Variants in PDE4A observed in about 807,000 individuals in gnomAD.
PDE4A encodes phosphodiesterase 4A, also known as 3',5'-cyclic-AMP phosphodiesterase 4A.
A neutral mutation model predicts 73.9 loss-of-function variants in PDE4A; 21 were observed. The ratio of observed to expected loss-of-function variants is 0.28; its 90% confidence interval spans 0.20 to 0.41. The LOEUF is 0.41. Ranked by LOEUF, PDE4A falls within the 10% of genes least tolerant of loss-of-function variation. The pLI is 1.00. For synonymous variants in PDE4A, 463 were observed against 505.4 expected (o/e 0.92, Z 1.13); for missense variants, 958 against 1,211.4 (o/e 0.79, Z 3.10).
At chr19:10,420,510 C>CCGCGGAACGCGGAG (rs1213524515), upstream of PDE4A, 2 of 1,040,336 alleles carry the variant, frequency 1.9e-6, no homozygotes, top group African/African-American at 1.7e-5. This position sits in a 1 kb window ranked among gnomAD's most constrained non-coding sequence, Gnocchi z 6.0. Context: ...GCCGAGCGGG[C>CCGCGGAACGCGGAG]CGCGGAACGC....
At chr19:10,455,120 G>C (rs771519564) in intron 7 of PDE4A, among the ~76,000 whole-genome samples, 198 bp downstream of exon 7, 1 of 152,142 alleles carries the variant, frequency 6.6e-6, no homozygotes, top group African/African-American at 2.4e-5. Context: ...CTTCTATAGA[G>C]CCCAACATCT....
chr19:10,467,396 T>G lies in PDE4A; in HGVS notation c.2436T>G (p.Ser812=). 2 of 1,614,144 alleles carry G rather than the reference T, an allele frequency of 1.2e-6. No individual in the cohort carries two copies. The highest frequency in any genetic ancestry group is 1.7e-6 in the Non-Finnish European group (2 of 1,179,998). The part of the protein sequence containing the change: ...FVVAVSHSSP[S]ALALQSPLLP... The stretch of plus-strand genomic sequence containing the variant: ...TTGCTGTAAGCCACAGCAGCCCCTC[T>G]GCCCTGGCTCTTCAAAGCCCCCTTC... Residue 812 remains serine, a synonymous_variant, in exon 15 of 15, where the codon TCT becomes TCG. Coordinates refer to ENST00000380702, the MANE Select transcript of PDE4A (RefSeq NM_001111307.2).
intron 1 of PDE4A, among the ~76,000 whole-genome samples, chr19:10,445,532 C>G (rs2042991355): frequency 6.6e-6 from 1 of 152,170 alleles, no homozygotes; most frequent in East Asian, 1.9e-4. Context: ...CTTTGGGAGG[C>G]CAAAGAGGGA....
chr19:10,457,270 C>G (rs2043184706), intron 7 of PDE4A, among the ~76,000 whole-genome samples: 2 of 152,138 alleles, frequency 1.3e-5, no homozygotes, highest in Admixed American at 6.5e-5. Context: ...GAGGATCCAC[C>G]CAATGGGAGC....
Position 10,453,272 on chromosome 19 carries a change from G to T in PDE4A, c.784-1557G>T, listed in dbSNP as rs1335414046. 1 of 1,613,250 alleles carries T rather than the reference G, an allele frequency of 6.2e-7. No homozygotes were observed. The highest frequency in any genetic ancestry group is 1.1e-5 in the South Asian group (1 of 90,952). ...CGGGCTAAGTCTCCAAGATGCCCTTGGTGGATTTCTTCTGCGAGACCTGCT... is the reference window on the plus strand; with the variant it reads ...CGGGCTAAGTCTCCAAGATGCCCTTTGTGGATTTCTTCTGCGAGACCTGCT... On this transcript the variant is annotated intron_variant, in intron 6 of 14. Transcript: ENST00000380702. This position sits in a 1 kb window ranked among gnomAD's most constrained non-coding sequence, Gnocchi z 4.6.
intron 1 of PDE4A, among the ~76,000 whole-genome samples, chr19:10,434,867 A>T (rs1422695188): frequency 6.7e-6 from 1 of 148,182 alleles, no homozygotes; most frequent in African/African-American, 2.5e-5. Context: ...CTGGGATTAC[A>T]GGCATGAGCC....
chr19:10,434,136 C>T (rs2042832274), intron 1 of PDE4A, among the ~76,000 whole-genome samples: 1 of 151,480 alleles, frequency 6.6e-6, no homozygotes, highest in Non-Finnish European at 1.5e-5. Context: ...CCTTTATGTG[C>T]CTCAGTTTCT....
intron 1 of PDE4A, chr19:10,431,125 CT>C: frequency 7.3e-7 from 1 of 1,372,256 alleles, no homozygotes; most frequent in East Asian, 2.8e-5. Context: ...CAAGTCGCCC[CT>C]GGCCACCTGG....
chr19:10,420,412 C>G (rs1321639098), upstream of PDE4A: 5 of 959,198 alleles, frequency 5.2e-6, no homozygotes, highest in Non-Finnish European at 6.2e-6. The surrounding 1 kb of genome is among the most constrained non-coding windows in gnomAD (Gnocchi z 6.0). Context: ...CCCGCTGGCC[C>G]GGACGGAGGA....
chr19:10,450,009 A>T (rs1262524804), intron 4 of PDE4A, among the ~76,000 whole-genome samples: 1 of 151,998 alleles, frequency 6.6e-6, no homozygotes, highest in Non-Finnish European at 1.5e-5. Flanking sequence ...GCAGGAGGAT[A>T]GTTTTGAGCC....
At position 10,454,169 on chromosome 19, in the gene PDE4A, G is replaced by A. The variant is rs570607576; in HGVS notation, c.784-660G>A. On this transcript the variant is annotated intron_variant, in intron 6 of 14. Transcript: ENST00000380702. ...TCCACCCTTCTGGGGTTGGGGGAGA[G>A]TGGGCTATGATGAGAACCCCCCTCC... Among the ~76,000 whole-genome samples, 35 of 152,268 alleles carry A rather than the reference G, an allele frequency of 2.3e-4. 1 individual carries two copies. The highest frequency in any genetic ancestry group is 7.5e-4 in the African/African-American group (31 of 41,564).
intron 1 of PDE4A, among the ~76,000 whole-genome samples, chr19:10,440,307 G>A (rs762574263): frequency 4.6e-5 from 7 of 151,812 alleles, no homozygotes; most frequent in African/African-American, 7.3e-5. Flanking sequence ...TTTGATTTGC[G>A]TTTCCCTGAT....
rs764036422 is a variant in PDE4A, at chr19:10,446,303, G to C, written c.406G>C (p.Gly136Arg). ...GAGCCCAGGACTCGTGCTGCACGCC[G>C]GGGCGGCCACCAGCCAGCGCCGGGA... is the stretch of plus-strand genomic sequence containing the variant. ...QASPGLVLHAGAATSQRRESF... is the reference protein window; with the variant it reads ...QASPGLVLHARAATSQRRESF... Residue 136 changes from glycine (G) to arginine (R), a missense_variant, in exon 2 of 15, where the codon GGG becomes CGG. Around this residue, in one of 3 missense-constraint regions of PDE4A, gnomAD observed 570 missense variants for 827.7 expected, o/e 0.69. Coordinates refer to ENST00000380702, the MANE Select transcript of PDE4A (RefSeq NM_001111307.2). 1.9e-6 allele frequency: 3 copies of C among 1,612,142 alleles called. No homozygotes were observed. The highest frequency in any genetic ancestry group is 4.5e-5 in the East Asian group (2 of 44,742).
At chr19:10,451,788 G>A (rs943689809) in intron 6 of PDE4A, among the ~76,000 whole-genome samples, 43 of 152,130 alleles carry the variant, frequency 2.8e-4, no homozygotes, top group African/African-American at 9.9e-4. Context: ...CAGGCAGTAT[G>A]TGTGAATGAT....
At chr19:10,437,176 T>G (rs1408301159) in intron 1 of PDE4A, among the ~76,000 whole-genome samples, 2 of 152,206 alleles carry the variant, frequency 1.3e-5, no homozygotes, top group Non-Finnish European at 2.9e-5. Flanking sequence ...TAGGCTGCAG[T>G]GCAGTGGCTC....
chr19:10,460,887 G>A, intron 10 of PDE4A, 117 bp from the exon 11 acceptor site: 1 of 1,131,166 alleles, frequency 8.8e-7, no homozygotes. Context: ...TGGCCTTGAA[G>A]TCCTAGGCTC....
chr19:10,465,794 G>A lies in PDE4A; in HGVS notation c.1927-1093G>A, dbSNP rs2043359149. 3.7e-5 allele frequency among the ~76,000 whole-genome samples: 5 copies of A among 135,970 alleles called. No individual in the cohort carries two copies. The South Asian group carries it at 1.0e-3, about 27-fold the overall frequency. 89.2% of individuals were successfully genotyped at this position (135,970 alleles called of 152,430 possible). On this transcript the variant is annotated intron_variant, in intron 14 of 14. Transcript: ENST00000380702. ...TGGCTCACTGCAACCTCTGCCTCCC[G>A]GGTTCGAGCCATTGTCCTGCCTCAG...
upstream of PDE4A, chr19:10,419,993 C>G (rs2042627992): frequency 6.5e-6 from 1 of 152,836 alleles, no homozygotes; most frequent in South Asian, 2.1e-4. Context: ...ACTGAAAACA[C>G]AGACAACCCT....
Position 10,450,629 on chromosome 19 carries a change from C to T in PDE4A, c.647C>T (p.Pro216Leu). ...NKRSPLGGPT[P>L]VCKATLSEET... ...CGGTCCCCGCTGGGCGGCCCCACCCCTGTCTGCAAGGCCACGCTGTCAGGT... is the reference window on the plus strand; with the variant it reads ...CGGTCCCCGCTGGGCGGCCCCACCCTTGTCTGCAAGGCCACGCTGTCAGGT... Residue 216 changes from proline (P) to leucine (L), a missense_variant, in exon 5 of 15, where the codon CCT (proline) becomes CTT (leucine). Coordinates refer to ENST00000380702, the MANE Select transcript of PDE4A (RefSeq NM_001111307.2). The T allele has an allele frequency of 6.2e-7, 1 of 1,610,262 alleles. No individual in the cohort carries two copies.
Sources: gnomAD v4.1 joint callset for allele counts (sites outside exome capture counted in the v4.1 genomes callset) on GRCh38, gnomAD v4.1.1 for gene constraint, gnomAD v4.1.1 regional missense constraint, Gnocchi (gnomAD v3.1) non-coding constraint, MANE v1.5 for transcripts, NCBI Gene and HGNC (gene_info 2026-07-23, HGNC 2026-07-21) for gene names.